Variants in ZSCAN18 observed in about 807,000 individuals in gnomAD.
The protein encoded by ZSCAN18 is zinc finger and SCAN domain-containing protein 18.
A neutral mutation model predicts 31.1 loss-of-function variants in ZSCAN18; 16 were observed. The ratio of observed to expected loss-of-function variants is 0.51; its 90% CI spans 0.35 to 0.78. The LOEUF is 0.78. ZSCAN18 is among the 30% of genes least tolerant of loss of function. The pLI, the probability that ZSCAN18 is intolerant of heterozygous loss-of-function variation, is 0.01. For synonymous variants in ZSCAN18, 375 were observed against 320.7 expected, an observed-to-expected ratio of 1.17 and a Z score of -1.81; for missense variants, 731 against 697.4, an observed-to-expected ratio of 1.05 and a Z score of -0.54.
chr19:58,089,816 TC>T (rs746121985), intron 2 of ZSCAN18, 48 bp downstream of exon 2: 5 of 1,543,496 alleles, frequency 3.2e-6, no homozygotes, highest in Non-Finnish European at 4.4e-6. Flanking sequence ...CCTTCCAGGA[TC>T]CCCTCCCCAT....
chr19:58,101,186 G>A (rs1424469719), upstream of ZSCAN18, among the ~76,000 whole-genome samples: 2 of 148,702 alleles, frequency 1.3e-5, no homozygotes, highest in Non-Finnish European at 3.0e-5. Context: ...AGGCTGGAGC[G>A]CAGTGGCGCG....
intron 1 of ZSCAN18, among the ~76,000 whole-genome samples, chr19:58,112,143 C>G (rs1206941253): frequency 2.6e-5 from 4 of 152,108 alleles, no homozygotes; most frequent in Non-Finnish European, 5.9e-5. Flanking sequence ...TAAGGTGATC[C>G]TCCCACCTCA....
Position 58,090,399 on chromosome 19 carries a change from C to A in ZSCAN18, c.-119-13G>T. On this transcript the variant is annotated splice_polypyrimidine_tract_variant and intron_variant, in intron 1 of 6. Transcript: ENST00000601144. The surrounding 1 kb of genome is among the most constrained non-coding windows in gnomAD (Gnocchi z 4.7). The stretch of plus-strand genomic sequence containing the variant: ...AGAACCCACAGACCTGCAGAGGACA[C>A]GGACAAGGCAATGGCCTTGCATAAG... The A allele has an allele frequency of 6.6e-7, 1 of 1,520,002 alleles. No individual in the cohort carries two copies. Among genetic ancestry groups the A allele is most frequent in the Non-Finnish European group, 8.8e-7 (1 of 1,130,302 alleles). 94.2% of individuals were successfully genotyped at this position (1,520,002 alleles called of 1,614,324 possible).
intron 1 of ZSCAN18, chr19:58,107,751 A>G (rs777694635): frequency 7.1e-6 from 7 of 990,788 alleles, no homozygotes; most frequent in Non-Finnish European, 8.4e-6. Flanking sequence ...TGCTCACTGA[A>G]TCCCCATAGG....
upstream of ZSCAN18, among the ~76,000 whole-genome samples, chr19:58,100,705 A>C (rs1233445522): frequency 6.6e-6 from 1 of 150,894 alleles, no homozygotes; most frequent in African/African-American, 2.4e-5. Flanking sequence ...CAACATGGTG[A>C]AACCCTGGCT....
chr19:58,098,233 G>T, upstream of ZSCAN18: 1 of 985,496 alleles, frequency 1.0e-6, no homozygotes. Context: ...CGCGATGGCG[G>T]CCGGCAAACT....
rs1283451517 is a variant in ZSCAN18 at position 58,087,021 on chromosome 19, T to C, written c.643-13A>G. On this transcript the variant is annotated splice_polypyrimidine_tract_variant and intron_variant, in intron 4 of 6. Transcript: ENST00000601144. ...AGGACTTCAGCTTCTGAAACATTAG[T>C]CGTGGCTGAGACCTCCCACCTGCCC... 1 of 1,607,014 alleles carries C rather than the reference T, an allele frequency of 6.2e-7. No individual in the cohort carries two copies. Among genetic ancestry groups the C allele is most frequent in the Non-Finnish European group, 8.5e-7 (1 of 1,175,178 alleles).
Position 58,089,780 on chromosome 19 carries a change from C to A in ZSCAN18, c.403+85G>T, listed in dbSNP as rs75444081. 967 of 1,493,780 alleles carry A rather than the reference C, an allele frequency of 6.5e-4. 9 individuals carry two copies. The African/African-American group carries it at 0.011, about 17-fold the overall frequency. The allele number at this position is 1,493,780 out of a possible 1,614,324, so 92.5% of individuals were successfully genotyped here. A position where few individuals can be genotyped will look rare whatever the true frequency, so the allele number is the denominator to read the frequency against. On this transcript the variant is annotated intron_variant, in intron 2 of 6. Coordinates refer to ENST00000601144, the MANE Select transcript of ZSCAN18 (RefSeq NM_001145543.2). The stretch of plus-strand genomic sequence containing the variant: ...AGCAGTGTGGGGAACTTAACTATCT[C>A]AGGCAAGCCATGGCTGGCACTGGGG...
In ZSCAN18 at chr19:58,084,739, G is replaced by A. The variant is rs775144916; in HGVS notation, c.1479C>T (p.Pro493=). 1,816 of 1,546,330 alleles carry A rather than the reference G, an allele frequency of 1.2e-3. 1 individual carries two copies. The highest frequency in any genetic ancestry group is 1.5e-3 in the Non-Finnish European group (1,747 of 1,155,812). Reference sequence around the variant, plus strand: ...GAGCCTCGCCCTCCACGCTCTCTGGGGGACCGCCCGCCCTAGCCCCCGCCT... The same window carrying A: ...GAGCCTCGCCCTCCACGCTCTCTGGAGGACCGCCCGCCCTAGCCCCCGCCT... ...EAQAGARAGG[P]PESVEGEAPP... is the part of the protein sequence containing the mutation. The change falls in exon 7 of 7, where the codon CCC becomes CCT. Residue 493 remains proline (P), a synonymous_variant. Coordinates refer to ENST00000601144, the MANE Select transcript of ZSCAN18 (RefSeq NM_001145543.2). This position sits in a 1 kb window ranked among gnomAD's most constrained non-coding sequence, Gnocchi z 4.5.
Position 58,098,209 on chromosome 19 carries a change from C to T in ZSCAN18, c.-155G>A. On this transcript the variant is annotated 5_prime_UTR_variant, in exon 1 of 7. Coordinates refer to ENST00000601144, the MANE Select transcript of ZSCAN18 (RefSeq NM_001145543.2). ...GCTACCCCAGGCCGGTCCCAGCCGC[C>T]CGGAGCCCCAGTGCGCGATGGCGGC... 1 of 985,526 alleles carries T rather than the reference C, an allele frequency of 1.0e-6. No homozygotes were observed. The highest frequency in any genetic ancestry group is 1.2e-6 in the Non-Finnish European group (1 of 830,018). The allele number at this position is 985,526 out of a possible 1,614,324, so 61.0% of individuals were successfully genotyped here.
At chr19:58,108,732 C>T (rs1457832096) in intron 1 of ZSCAN18, 1 of 985,548 alleles carries the variant, frequency 1.0e-6, no homozygotes, top group Non-Finnish European at 1.2e-6. Context: ...CCCTATCAAA[C>T]ACCTCCTCGT....
In ZSCAN18 at chr19:58,111,676, A is replaced by G. The variant is rs1442691010; in HGVS notation, c.130+6591T>C. 3.9e-5 allele frequency among the ~76,000 whole-genome samples: 6 copies of G among 152,140 alleles called. No individual in the cohort carries two copies. The East Asian group carries it at 1.2e-3, about 29-fold the overall frequency. ...CACTATGCCCAGCATGTACCAAACA[A>G]TTAAAGAAGAATTAATACCAATTCC... On this transcript the variant is annotated intron_variant, in intron 1 of 1. Transcript: ENST00000595721.
intron 1 of ZSCAN18, among the ~76,000 whole-genome samples, chr19:58,095,648 C>T (rs1268690754): frequency 6.6e-6 from 1 of 152,182 alleles, no homozygotes; most frequent in Non-Finnish European, 1.5e-5. Context: ...GGTCCTCGGC[C>T]ATTGGCAGGG....
intron 1 of ZSCAN18, among the ~76,000 whole-genome samples, chr19:58,094,764 G>C (rs1303173952): frequency 6.6e-6 from 1 of 150,610 alleles, no homozygotes; most frequent in Non-Finnish European, 1.5e-5. Context: ...TGTGGTCCCA[G>C]CTACTCTGGA....
At position 58,088,783 on chromosome 19, in the gene ZSCAN18, T is replaced by C; in HGVS notation, c.458A>G (p.Tyr153Cys). 6.2e-7 allele frequency: 1 copy of C among 1,612,522 alleles called. No individual in the cohort carries two copies. The highest frequency in any genetic ancestry group is 8.5e-7 in the Non-Finnish European group (1 of 1,179,980). The change falls in exon 3 of 7, where the codon TAC (tyrosine) becomes TGC (cysteine). Residue 153 changes from tyrosine to cysteine, a missense_variant. Tyr to Cys is a radical substitution (Grantham distance 194, BLOSUM62 -2). Transcript: ENST00000601144. ...GSSSILSDGVYERHMDPLLLP... is the reference protein window; with the variant it reads ...GSSSILSDGVCERHMDPLLLP... ...CAGCAGAGGGTCCATGTGCCTCTCG[T>C]ACACTCCATCGCTAAGAATTGAGGA...
intron 5 of ZSCAN18, 172 bp from the exon 6 acceptor site, chr19:58,086,438 A>G (rs1038493320): frequency 7.2e-5 from 39 of 539,618 alleles, no homozygotes; most frequent in African/African-American, 2.5e-4. Flanking sequence ...AGCAAAGAAG[A>G]AGGCGAGGCT....
intron 1 of ZSCAN18, among the ~76,000 whole-genome samples, chr19:58,112,005 G>A (rs931721173): frequency 5.9e-5 from 9 of 152,060 alleles, no homozygotes; most frequent in Admixed American, 3.9e-4. Context: ...TTCCAAACCC[G>A]ACCCCTGCCT....
intron 1 of ZSCAN18, chr19:58,109,297 T>A: frequency 8.1e-7 from 1 of 1,231,700 alleles, no homozygotes; most frequent in East Asian, 3.2e-5. Flanking sequence ...GACTTTTGTT[T>A]CCCAGGCTGG....
At position 58,084,299 on chromosome 19, in the gene ZSCAN18, A is replaced by C; in HGVS notation, c.*386T>G. ...AATTTCCACTTGAGCAACCCTGGGG[A>C]GCGCAAACAGGAGGAATCGGGGCAA... On this transcript the variant is annotated 3_prime_UTR_variant, in exon 7 of 7. Transcript: ENST00000601144. This position sits in a 1 kb window ranked among gnomAD's most constrained non-coding sequence, Gnocchi z 4.5. 2 of 184,348 alleles carry C rather than the reference A, an allele frequency of 1.1e-5. No individual in the cohort carries two copies. Among genetic ancestry groups the C allele is most frequent in the Non-Finnish European group, 1.1e-5 (1 of 89,560 alleles). The allele number at this position is 184,348 out of a possible 1,614,324, so 11.4% of individuals were successfully genotyped here.
Sources: allele counts gnomAD v4.1 joint callset (sites outside exome capture counted in the v4.1 genomes callset), GRCh38; gene constraint gnomAD v4.1.1; non-coding constraint Gnocchi (gnomAD v3.1); transcripts MANE v1.5; gene names NCBI Gene and HGNC (gene_info 2026-07-23, HGNC 2026-07-21).